TTC7B: variants seen among roughly 807,000 people sequenced by gnomAD.
The protein encoded by TTC7B is tetratricopeptide repeat domain 7B.
Under a neutral mutation model 106.8 loss-of-function variants are expected in TTC7B, and 28 were observed. The observed-to-expected ratio is 0.26, with a 90% confidence interval of 0.19 to 0.36. The LOEUF (loss-of-function observed/expected upper bound fraction) is 0.36, where lower values mean the gene tolerates loss of function less well. Among genes scored for constraint, TTC7B ranks in the 10% least tolerant of loss-of-function variants. TTC7B has a pLI of 1.00. For synonymous variants in TTC7B, 405 were observed against 430.6 expected, an observed-to-expected ratio of 0.94 and a Z score of 0.74; for missense variants, 862 against 1,076.4, an observed-to-expected ratio of 0.80 and a Z score of 2.79.
intron 17 of TTC7B, among the ~76,000 whole-genome samples, chr14:90,604,517 T>C (rs1030894721): frequency 3.9e-5 from 6 of 152,184 alleles, no homozygotes; most frequent in Non-Finnish European, 7.3e-5. Context: ...GTGTGAGAGC[T>C]GAACAAAGCG....
At chr14:90,664,054 A>T (rs1886311467) in intron 9 of TTC7B, among the ~76,000 whole-genome samples, 1 of 152,116 alleles carries the variant, frequency 6.6e-6, no homozygotes, top group Admixed American at 6.5e-5. Flanking sequence ...CCTGCCAAAA[A>T]AATGCACCCA....
At chr14:90,556,150 C>A (rs1890294782) in intron 19 of TTC7B, among the ~76,000 whole-genome samples, 1 of 152,232 alleles carries the variant, frequency 6.6e-6, no homozygotes, top group African/African-American at 2.4e-5. Context: ...AAGGACAGGT[C>A]CACTGGCGGC....
At chr14:90,778,965 C>T (rs1891122621) in intron 3 of TTC7B, among the ~76,000 whole-genome samples, 1 of 152,228 alleles carries the variant, frequency 6.6e-6, no homozygotes, top group African/African-American at 2.4e-5. Context: ...CTAAGTCAGA[C>T]AGGCTGGACC....
intron 5 of TTC7B, among the ~76,000 whole-genome samples, chr14:90,727,691 T>G (rs1386097560): frequency 6.6e-6 from 1 of 152,248 alleles, no homozygotes; most frequent in African/African-American, 2.4e-5. Flanking sequence ...GCTAAAAAGC[T>G]GAGTATACAT....
intron 15 of TTC7B, among the ~76,000 whole-genome samples, chr14:90,634,672 C>T (rs1443510733): frequency 4.6e-5 from 7 of 151,804 alleles, no homozygotes; most frequent in South Asian, 4.2e-4. Context: ...CTCGGGCGGT[C>T]GAGGCACAAG....
chr14:90,805,076 A>T lies in TTC7B; in HGVS notation c.121+11099T>A, dbSNP rs932148202. 6.6e-6 allele frequency among the ~76,000 whole-genome samples: 1 copy of T among 151,806 alleles called. No homozygotes were observed. Among genetic ancestry groups the T allele is most frequent in the Non-Finnish European group, 1.5e-5 (1 of 67,960 alleles). On this transcript the variant is annotated intron_variant, in intron 1 of 19. Coordinates refer to ENST00000328459, the MANE Select transcript of TTC7B (RefSeq NM_001010854.2). This position sits in a 1 kb window ranked among gnomAD's most constrained non-coding sequence, Gnocchi z 4.0. The stretch of plus-strand genomic sequence containing the variant: ...CACAGCCACCCTGGAGATGACACCA[A>T]CAGTCTTCGGCGTGGGACCAGGTCT...
intron 1 of TTC7B, among the ~76,000 whole-genome samples, chr14:90,787,735 C>G (rs1264586602): frequency 6.6e-6 from 1 of 152,184 alleles, no homozygotes; most frequent in Non-Finnish European, 1.5e-5. Flanking sequence ...TCTTAGCATG[C>G]TCTATCTATG....
intron 12 of TTC7B, among the ~76,000 whole-genome samples, chr14:90,654,290 A>T (rs545054301): frequency 6.6e-6 from 1 of 152,192 alleles, no homozygotes; most frequent in Non-Finnish European, 1.5e-5. Context: ...CATTAAATTA[A>T]CCATGTGTTT....
chr14:90,558,454 T>A (rs1449885093), intron 19 of TTC7B, among the ~76,000 whole-genome samples: 1 of 152,226 alleles, frequency 6.6e-6, no homozygotes, highest in African/African-American at 2.4e-5. Flanking sequence ...CACACCGCTG[T>A]GTGACACAAA....
chr14:90,652,797 G>A (rs370370167), intron 13 of TTC7B, 44 bp downstream of exon 13: 59 of 1,596,108 alleles, frequency 3.7e-5, no homozygotes, highest in Non-Finnish European at 4.8e-5. Flanking sequence ...TCATACTTTG[G>A]TGTCATTATG....
At chr14:90,601,298 A>G (rs1309608845) in intron 17 of TTC7B, among the ~76,000 whole-genome samples, 1 of 152,182 alleles carries the variant, frequency 6.6e-6, no homozygotes, top group Non-Finnish European at 1.5e-5. Flanking sequence ...AGGAACAGAG[A>G]CTAAAACCGC....
intron 3 of TTC7B, chr14:90,767,116 G>A (rs1890715513): frequency 1.7e-6 from 1 of 599,674 alleles, no homozygotes; most frequent in Non-Finnish European, 2.9e-6. Context: ...CACTTTGGGA[G>A]GCTGAGGCAG....
chr14:90,769,317 C>T (rs1890788117), intron 3 of TTC7B, among the ~76,000 whole-genome samples: 1 of 152,138 alleles, frequency 6.6e-6, no homozygotes, highest in Admixed American at 6.5e-5. Context: ...AAGTAAGTCC[C>T]TTATCAGTAC....
intron 8 of TTC7B, among the ~76,000 whole-genome samples, chr14:90,678,921 A>G (rs1428963766): frequency 6.6e-6 from 1 of 152,146 alleles, no homozygotes; most frequent in Non-Finnish European, 1.5e-5. Flanking sequence ...GAACTTTTAC[A>G]CCATAACCAA....
intron 5 of TTC7B, among the ~76,000 whole-genome samples, chr14:90,721,139 T>C (rs1279218622): frequency 2.0e-5 from 3 of 152,064 alleles, no homozygotes; most frequent in African/African-American, 7.2e-5. Flanking sequence ...GAGATACAAT[T>C]AAATGCCAAT....
At chr14:90,613,977 CGA>C (rs1566798927) in intron 16 of TTC7B, among the ~76,000 whole-genome samples, 1 of 152,216 alleles carries the variant, frequency 6.6e-6, no homozygotes, top group African/African-American at 2.4e-5. Flanking sequence ...AGGTTAAACA[CGA>C]GAGGCTTGGT....
At chr14:90,590,769 T>G (rs530222416) in intron 18 of TTC7B, among the ~76,000 whole-genome samples, 16 of 152,222 alleles carry the variant, frequency 1.1e-4, no homozygotes, top group Non-Finnish European at 2.1e-4. Flanking sequence ...AAATCTTGAC[T>G]CAAGCAAAGT....
At chr14:90,694,042 T>C (rs1226687022) in intron 6 of TTC7B, among the ~76,000 whole-genome samples, 1 of 152,228 alleles carries the variant, frequency 6.6e-6, no homozygotes, top group African/African-American at 2.4e-5. Context: ...AAAGAAATAC[T>C]GATCATGCTG....
At position 90,742,936 on chromosome 14, in the gene TTC7B, CAAGATAGGGCCCT is replaced by C. The variant is rs1232483534; in HGVS notation, c.576+1843_576+1855del. Among the ~76,000 whole-genome samples, 1 of 152,158 alleles carries C rather than the reference CAAGATAGGGCCCT, an allele frequency of 6.6e-6. No homozygotes were observed. The highest frequency in any genetic ancestry group is 1.9e-4 in the East Asian group (1 of 5,188). Reference sequence around the variant, plus strand: ...CTGGACAACAGTGGAGAGTAAGCAGCAAGATAGGGCCCTAAGTGGCCAGGGCTGTGTAGTCAGC... The same window carrying C: ...CTGGACAACAGTGGAGAGTAAGCAGCAAGTGGCCAGGGCTGTGTAGTCAGC... On this transcript the variant is annotated intron_variant, in intron 4 of 19. Transcript: ENST00000328459. The surrounding 1 kb of genome is among the most constrained non-coding windows in gnomAD (Gnocchi z 4.1).
Sources: allele counts gnomAD v4.1 joint callset (sites outside exome capture counted in the v4.1 genomes callset), GRCh38; gene constraint gnomAD v4.1.1; non-coding constraint Gnocchi (gnomAD v3.1); transcripts MANE v1.5; gene names NCBI Gene and HGNC (gene_info 2026-07-23, HGNC 2026-07-21).